Variants in OPCML observed in about 807,000 individuals in gnomAD.
OPCML encodes opioid binding protein/cell adhesion molecule like, also known as opioid-binding protein/cell adhesion molecule.
A neutral mutation model predicts 37.8 loss-of-function variants in OPCML; 13 were observed. That is an observed-to-expected ratio of 0.34 (90% CI 0.22 to 0.55). OPCML has a LOEUF of 0.55. Ranked by LOEUF, OPCML falls within the 20% of genes least tolerant of loss-of-function variation. The pLI is 0.91. For missense variants in OPCML, 341 were observed against 435.6 expected (o/e 0.78, Z 1.93); for synonymous variants, 176 against 168.8 (o/e 1.04, Z -0.33).
At chr11:133,042,832 T>C (rs1204300060) in intron 1 of OPCML, among the ~76,000 whole-genome samples, 5 of 152,138 alleles carry the variant, frequency 3.3e-5, no homozygotes, top group Non-Finnish European at 7.4e-5. Context: ...ATTTCTGTCA[T>C]GGGCAAAATT....
At chr11:133,326,476 G>C (rs1219668085) in intron 1 of OPCML, among the ~76,000 whole-genome samples, 1 of 126,078 alleles carries the variant, frequency 7.9e-6, no homozygotes, top group Non-Finnish European at 1.7e-5. Flanking sequence ...GTGTGTGTAT[G>C]TGTATGAGGG....
intron 1 of OPCML, among the ~76,000 whole-genome samples, chr11:133,514,198 T>G (rs1948215775): frequency 6.6e-6 from 1 of 152,296 alleles, no homozygotes; most frequent in Middle Eastern, 3.4e-3. Flanking sequence ...CATGAGAGGC[T>G]TTGATGCAAT....
intron 1 of OPCML, among the ~76,000 whole-genome samples, chr11:133,223,550 C>T (rs1939922602): frequency 6.6e-6 from 1 of 152,072 alleles, no homozygotes. Flanking sequence ...GGGTCAGAGG[C>T]AAGAAACTGC....
In OPCML at chr11:132,435,771, T is replaced by C. The variant is rs975343341; in HGVS notation, c.916+315A>G. Among the ~76,000 whole-genome samples, 6 of 152,224 alleles carry C rather than the reference T, an allele frequency of 3.9e-5. 1 individual carries two copies. The highest frequency in any genetic ancestry group is 3.9e-4 in the Admixed American group (6 of 15,282). On this transcript the variant is annotated intron_variant, in intron 7 of 7. Coordinates refer to ENST00000524381, the MANE Select transcript of OPCML (RefSeq NM_001012393.5). ...GAGACTCCAACTACAGAAGGCATCT[T>C]AAAATTACACAGTTGAATTGACCCA...
At chr11:133,010,378 A>G (rs771555772) in intron 1 of OPCML, among the ~76,000 whole-genome samples, 17 of 152,276 alleles carry the variant, frequency 1.1e-4, no homozygotes, top group Non-Finnish European at 1.9e-4. Flanking sequence ...ATGAATGTGC[A>G]AATCCTAAAT....
chr11:132,466,886 T>C (rs974711844), intron 4 of OPCML, among the ~76,000 whole-genome samples: 2 of 152,214 alleles, frequency 1.3e-5, no homozygotes, highest in African/African-American at 4.8e-5. Context: ...ATGTGTATTT[T>C]TATAGAGATT....
At chr11:133,317,231 T>C (rs1943224992) in intron 1 of OPCML, among the ~76,000 whole-genome samples, 1 of 152,136 alleles carries the variant, frequency 6.6e-6, no homozygotes, top group Non-Finnish European at 1.5e-5. Context: ...AAATAAAATG[T>C]AATTGTTTAC....
At chr11:132,426,976 G>C (rs2095979711) in intron 7 of OPCML, among the ~76,000 whole-genome samples, 1 of 152,196 alleles carries the variant, frequency 6.6e-6, no homozygotes, top group Non-Finnish European at 1.5e-5. Flanking sequence ...CCTCATGAGA[G>C]ATTTTGAGGC....
chr11:132,961,451 A>G (rs1451278453), intron 1 of OPCML, among the ~76,000 whole-genome samples: 1 of 152,162 alleles, frequency 6.6e-6, no homozygotes, highest in Non-Finnish European at 1.5e-5. Flanking sequence ...AATGATGGGG[A>G]GGATGATGGA....
At chr11:132,704,233 G>A (rs566896710) in intron 2 of OPCML, among the ~76,000 whole-genome samples, 4 of 152,106 alleles carry the variant, frequency 2.6e-5, no homozygotes, top group Non-Finnish European at 5.9e-5. Context: ...GTATCAAATG[G>A]GCAAGCAAGG....
intron 1 of OPCML, among the ~76,000 whole-genome samples, chr11:133,198,388 A>C (rs1372045179): frequency 6.6e-6 from 1 of 152,368 alleles, no homozygotes; most frequent in Admixed American, 6.5e-5. Flanking sequence ...CAGTAGGTAC[A>C]TTTAGCAAGT....
intron 1 of OPCML, among the ~76,000 whole-genome samples, chr11:133,479,765 A>G (rs1176586522): frequency 6.6e-6 from 1 of 152,144 alleles, no homozygotes; most frequent in Non-Finnish European, 1.5e-5. Flanking sequence ...AGGACCACAC[A>G]CACCCACCGA....
chr11:132,810,343 A>C (rs1939269792), intron 2 of OPCML, among the ~76,000 whole-genome samples: 1 of 152,198 alleles, frequency 6.6e-6, no homozygotes, highest in African/African-American at 2.4e-5. Context: ...AGGTGGATAC[A>C]GGTGGAAAGA....
intron 1 of OPCML, among the ~76,000 whole-genome samples, chr11:133,204,240 A>T (rs1016821484): frequency 1.3e-5 from 2 of 152,204 alleles, no homozygotes; most frequent in Non-Finnish European, 2.9e-5. Flanking sequence ...AATTAAAAGA[A>T]AACCAATAAA....
chr11:132,657,383 A>G, intron 2 of OPCML, 64 bp from the exon 3 acceptor site: 1 of 1,560,084 alleles, frequency 6.4e-7, no homozygotes, highest in Non-Finnish European at 8.7e-7. Context: ...GAGAGATTAT[A>G]TAATATGGTA....
intron 2 of OPCML, among the ~76,000 whole-genome samples, chr11:132,700,361 C>T (rs940204882): frequency 2.0e-5 from 3 of 151,694 alleles, no homozygotes; most frequent in East Asian, 1.9e-4. Context: ...TTTCTAGTAC[C>T]TATAGGCATA....
intron 1 of OPCML, among the ~76,000 whole-genome samples, chr11:133,344,849 C>T (rs1005471855): frequency 3.9e-5 from 6 of 152,190 alleles, no homozygotes; most frequent in African/African-American, 1.4e-4. Context: ...TGTGTGTCCT[C>T]TTTCCCTGAA....
intron 1 of OPCML, chr11:133,024,912 T>C (rs184602014): frequency 8.8e-5 from 87 of 985,408 alleles, no homozygotes; most frequent in Non-Finnish European, 1.0e-4. Flanking sequence ...ATCTACAGCA[T>C]ACAAATTTGC....
At chr11:133,489,868 A>C (rs1041455887) in intron 1 of OPCML, among the ~76,000 whole-genome samples, 17 of 151,126 alleles carry the variant, frequency 1.1e-4, no homozygotes, top group African/African-American at 3.9e-4. Context: ...TTATACATGC[A>C]CACACATATA....
Sources: allele counts gnomAD v4.1 joint callset (sites outside exome capture counted in the v4.1 genomes callset), GRCh38; gene constraint gnomAD v4.1.1; transcripts MANE v1.5; gene names NCBI Gene and HGNC (gene_info 2026-07-23, HGNC 2026-07-21).